The following ARHGAP17 variants were observed in gnomAD, a reference collection of about 807,000 sequenced individuals.
ARHGAP17 encodes Rho GTPase activating protein 17, also known as rho GTPase-activating protein 17.
Under a neutral mutation model 99.5 loss-of-function variants are expected in ARHGAP17, and 57 were observed. That is an observed-to-expected ratio of 0.57 (90% CI 0.46 to 0.71). The LOEUF is 0.71. Ranked by LOEUF, ARHGAP17 falls within the 30% of genes least tolerant of loss-of-function variation. The pLI, the probability that ARHGAP17 is intolerant of heterozygous loss-of-function variation, is 0.00. For synonymous variants in ARHGAP17, 417 were observed against 429.6 expected (o/e 0.97, Z 0.36); for missense variants, 1,000 against 1,122.4 (o/e 0.89, Z 1.56).
intron 19 of ARHGAP17, among the ~76,000 whole-genome samples, chr16:24,926,858 C>G (rs898872186): frequency 6.6e-6 from 1 of 152,204 alleles, no homozygotes; most frequent in Non-Finnish European, 1.5e-5. Context: ...CTGGGTTCCA[C>G]CCCCAGTCTC....
intron 7 of ARHGAP17, among the ~76,000 whole-genome samples, chr16:24,960,371 C>T (rs768300841): frequency 6.6e-6 from 1 of 152,100 alleles, no homozygotes; most frequent in Admixed American, 6.5e-5. Flanking sequence ...ATGGTGAAAC[C>T]CCGTCTCTAC....
intron 11 of ARHGAP17, 33 bp downstream of exon 11, chr16:24,952,896 GGT>G (rs774838577): frequency 6.3e-7 from 1 of 1,596,158 alleles, no homozygotes; most frequent in Admixed American, 1.7e-5. Flanking sequence ...CCGCCTTGAG[GGT>G]GACTTGATTT....
intron 6 of ARHGAP17, among the ~76,000 whole-genome samples, chr16:24,967,392 C>A (rs1223121543): frequency 1.1e-4 from 16 of 152,194 alleles, no homozygotes; most frequent in Non-Finnish European, 5.9e-5. Flanking sequence ...ACTATCCAGC[C>A]CTTTACAGAA....
At chr16:24,927,721 C>T (rs1442894356) in intron 19 of ARHGAP17, 2 of 1,210,132 alleles carry the variant, frequency 1.7e-6, no homozygotes, top group South Asian at 1.4e-5. Flanking sequence ...CTGAATATGG[C>T]AGGTCATACA....
At chr16:25,005,630 T>C (rs2053484492) in intron 1 of ARHGAP17, among the ~76,000 whole-genome samples, 1 of 152,238 alleles carries the variant, frequency 6.6e-6, no homozygotes, top group Non-Finnish European at 1.5e-5. Context: ...CAAGAGACAT[T>C]TGTTGAACTA....
intron 2 of ARHGAP17, among the ~76,000 whole-genome samples, chr16:24,978,314 A>G (rs1276435266): frequency 6.6e-6 from 1 of 152,230 alleles, no homozygotes; most frequent in Non-Finnish European, 1.5e-5. Flanking sequence ...TATCTTTCAC[A>G]GAAACAGAAG....
At chr16:25,004,042 T>C (rs988925285) in intron 1 of ARHGAP17, among the ~76,000 whole-genome samples, 1 of 151,594 alleles carries the variant, frequency 6.6e-6, no homozygotes, top group African/African-American at 2.4e-5. Flanking sequence ...AAAAAAAAAA[T>C]ATTAAGTTAA....
intron 16 of ARHGAP17, among the ~76,000 whole-genome samples, chr16:24,941,134 G>T (rs903931522): frequency 3.3e-5 from 5 of 152,080 alleles, no homozygotes; most frequent in Admixed American, 1.3e-4. Flanking sequence ...CCTTTGCTAG[G>T]GGTAAAAAAT....
chr16:24,935,973 C>A, intron 17 of ARHGAP17: 1 of 343,408 alleles, frequency 2.9e-6, no homozygotes, highest in South Asian at 2.4e-5. Flanking sequence ...TTATGAGATT[C>A]GTTGCATCAG....
intron 1 of ARHGAP17, among the ~76,000 whole-genome samples, chr16:25,007,519 A>G (rs1393246285): frequency 1.3e-5 from 2 of 151,960 alleles, no homozygotes; most frequent in East Asian, 3.9e-4. Flanking sequence ...TGCACATGCT[A>G]CCATGCCTGG....
rs757995084 is a variant in ARHGAP17, at chr16:24,978,957, T to C, written c.93+9A>G. The C allele has an allele frequency of 3.8e-6, 6 of 1,584,570 alleles. No individual in the cohort carries two copies. The East Asian group carries it at 1.1e-4, about 30-fold the overall frequency. On this transcript the variant is annotated intron_variant, in intron 2 of 19. Coordinates refer to ENST00000289968, the MANE Select transcript of ARHGAP17 (RefSeq NM_001006634.3). ...AACAGATCATTTAAAGGAGACTATA[T>C]TTTGTTACCTGTAATAGATCTTCAC... is the stretch of plus-strand genomic sequence containing the variant.
intron 19 of ARHGAP17, among the ~76,000 whole-genome samples, chr16:24,926,120 AAG>A (rs1198051122): frequency 4.0e-4 from 55 of 138,576 alleles, no homozygotes; most frequent in African/African-American, 1.8e-3. Flanking sequence ...AAAAAAAAAA[AAG>A]AAAAGAAAAG....
intron 19 of ARHGAP17, among the ~76,000 whole-genome samples, chr16:24,923,000 G>A (rs183659566): frequency 3.5e-4 from 54 of 152,190 alleles, no homozygotes; most frequent in African/African-American, 1.2e-3. Context: ...TTACTATAGA[G>A]CACTTACTTA....
chr16:24,923,727 T>TA (rs1160793042), intron 19 of ARHGAP17, among the ~76,000 whole-genome samples: 94 of 119,874 alleles, frequency 7.8e-4, no homozygotes, highest in East Asian at 4.6e-3. Context: ...CTCTTTTTTT[T>TA]AAAAAAAAAA....
rs555703282 is a variant in ARHGAP17, at chr16:24,926,139, G to A, written c.2515+4645C>T. ...AAAAAAAAGAAAAGAAAAGAAAAGA[G>A]AAGAGAAGAGAAGAGAAGAGGAGAA... On this transcript the variant is annotated intron_variant, in intron 19 of 19. Coordinates refer to ENST00000289968, the MANE Select transcript of ARHGAP17 (RefSeq NM_001006634.3). Among the ~76,000 whole-genome samples the A allele has an allele frequency of 7.0e-3, 1,054 of 149,550 alleles. 13 individuals are homozygous for A. The highest frequency in any genetic ancestry group is 0.024 in the African/African-American group (988 of 40,512).
intron 1 of ARHGAP17, among the ~76,000 whole-genome samples, chr16:24,999,684 A>G (rs2053304997): frequency 6.6e-6 from 1 of 152,080 alleles, no homozygotes; most frequent in Admixed American, 6.5e-5. Flanking sequence ...CCTCCCTAAC[A>G]ACTGGGATAC....
chr16:24,961,858 T>C (rs2052012653), intron 7 of ARHGAP17, among the ~76,000 whole-genome samples: 1 of 149,046 alleles, frequency 6.7e-6, no homozygotes, highest in Non-Finnish European at 1.5e-5. Flanking sequence ...AGTGACAGAT[T>C]AGGCAATTAG....
chr16:24,980,881 A>T (rs2052655065), intron 1 of ARHGAP17, among the ~76,000 whole-genome samples: 1 of 152,104 alleles, frequency 6.6e-6, no homozygotes, highest in African/African-American at 2.4e-5. Flanking sequence ...CTCTAAAATG[A>T]CTTCCTTCTG....
intron 19 of ARHGAP17, among the ~76,000 whole-genome samples, chr16:24,926,739 TTATATGAATG>T (rs1289866278): frequency 6.6e-6 from 1 of 152,252 alleles, no homozygotes; most frequent in Admixed American, 6.5e-5. Context: ...GCTCACTAAA[TTATATGAATG>T]TATATGTTAT....
Sources: gnomAD v4.1 joint callset for allele counts (sites outside exome capture counted in the v4.1 genomes callset) on GRCh38, gnomAD v4.1.1 for gene constraint, MANE v1.5 for transcripts, NCBI Gene and HGNC (gene_info 2026-07-23, HGNC 2026-07-21) for gene names.